RNGTT: variants seen among roughly 807,000 people sequenced by gnomAD.
The protein encoded by RNGTT is mRNA-capping enzyme.
Under a neutral mutation model 79.3 loss-of-function variants are expected in RNGTT, and 33 were observed. The ratio of observed to expected loss-of-function variants is 0.42; its 90% CI spans 0.32 to 0.56. The LOEUF (loss-of-function observed/expected upper bound fraction) is 0.56, where lower values mean the gene tolerates loss of function less well. RNGTT is among the 20% of genes least tolerant of loss of function. The probability of loss-of-function intolerance (pLI) is 0.17; values close to 1 mark genes in which losing one functional copy is unlikely to be tolerated. For synonymous variants in RNGTT, 222 were observed against 235.9 expected (o/e 0.94, Z 0.54); for missense variants, 497 against 739.1 (o/e 0.67, Z 3.80).
chr6:88,842,513 A>G (rs1781328459), intron 11 of RNGTT, among the ~76,000 whole-genome samples: 1 of 152,196 alleles, frequency 6.6e-6, no homozygotes, highest in Non-Finnish European at 1.5e-5. Context: ...AGGCATAAAC[A>G]GAATTAGTAT....
chr6:88,613,588 A>C (rs574762593), intron 15 of RNGTT, among the ~76,000 whole-genome samples: 6 of 152,302 alleles, frequency 3.9e-5, no homozygotes, highest in Non-Finnish European at 5.9e-5. Flanking sequence ...CATCATCATC[A>C]TCCTCCTCAT....
chr6:88,723,135 T>C (rs1002675953), intron 13 of RNGTT, among the ~76,000 whole-genome samples: 2 of 152,228 alleles, frequency 1.3e-5, no homozygotes, highest in South Asian at 2.1e-4. Context: ...GGCATTGTTA[T>C]AGATTTCAGT....
intron 14 of RNGTT, among the ~76,000 whole-genome samples, chr6:88,633,256 G>A (rs1772972573): frequency 6.6e-6 from 1 of 151,842 alleles, no homozygotes; most frequent in Non-Finnish European, 1.5e-5. Context: ...TGCTCAATAA[G>A]TATGTGTAGA....
intron 14 of RNGTT, among the ~76,000 whole-genome samples, chr6:88,616,717 T>C (rs1467723837): frequency 6.6e-6 from 1 of 152,174 alleles, no homozygotes; most frequent in Non-Finnish European, 1.5e-5. Context: ...TACAAGAAAC[T>C]TTGTCAATTT....
rs533453921 is a variant in RNGTT at position 88,644,621 on chromosome 6, G to C, written c.1507-30226C>G. ...ATCCTCAATAAAATACTGGCAAACT[G>C]AATCCAGCAGCACATCAAAAAGCTT... is the stretch of plus-strand genomic sequence containing the variant. On this transcript the variant is annotated intron_variant, in intron 14 of 15. Coordinates refer to ENST00000369485, the MANE Select transcript of RNGTT (RefSeq NM_003800.5). 3.9e-3 allele frequency among the ~76,000 whole-genome samples: 590 copies of C among 152,252 alleles called. 5 individuals are homozygous for C. The highest frequency in any genetic ancestry group is 0.017 in the South Asian group (80 of 4,828).
intron 12 of RNGTT, among the ~76,000 whole-genome samples, chr6:88,783,001 T>TA (rs1779114305): frequency 6.6e-6 from 1 of 152,040 alleles, no homozygotes; most frequent in South Asian, 2.1e-4. Context: ...CTCAAAAAAT[T>TA]AAAGACAGAA....
intron 6 of RNGTT, 59 bp downstream of exon 6, chr6:88,904,656 C>T: frequency 6.7e-7 from 1 of 1,488,524 alleles, no homozygotes; most frequent in Non-Finnish European, 9.0e-7. Context: ...TTTTATAAAT[C>T]TCAATAAGCT....
At chr6:88,645,390 G>C (rs922804023) in intron 14 of RNGTT, among the ~76,000 whole-genome samples, 2 of 152,096 alleles carry the variant, frequency 1.3e-5, no homozygotes, top group African/African-American at 4.8e-5. Flanking sequence ...CATGCTCATG[G>C]GTAGGAAGAA....
At chr6:88,729,596 C>A (rs1031569999) in intron 13 of RNGTT, among the ~76,000 whole-genome samples, 1 of 151,990 alleles carries the variant, frequency 6.6e-6, no homozygotes, top group African/African-American at 2.4e-5. Flanking sequence ...TCTATTATAA[C>A]CAACAGCGAT....
At chr6:88,915,908 T>A (rs189507896) in intron 4 of RNGTT, among the ~76,000 whole-genome samples, 195 of 152,318 alleles carry the variant, frequency 1.3e-3, no homozygotes, top group Admixed American at 2.4e-3. Context: ...AATTTTTTTT[T>A]AAAACTGTTA....
chr6:88,758,201 T>A (rs1778084447), intron 13 of RNGTT, among the ~76,000 whole-genome samples: 1 of 152,198 alleles, frequency 6.6e-6, no homozygotes, highest in East Asian at 1.9e-4. Flanking sequence ...GTGATTAACG[T>A]TTGGCAAAAG....
intron 10 of RNGTT, among the ~76,000 whole-genome samples, chr6:88,846,800 TC>T (rs1408059813): frequency 6.6e-6 from 1 of 151,494 alleles, no homozygotes; most frequent in Non-Finnish European, 1.5e-5. Flanking sequence ...CATCTAATGC[TC>T]CTGACCTCCA....
intron 14 of RNGTT, among the ~76,000 whole-genome samples, chr6:88,659,191 A>C (rs977030649): frequency 6.6e-6 from 1 of 152,214 alleles, no homozygotes; most frequent in African/African-American, 2.4e-5. Context: ...CAGTCTACTC[A>C]AATGAGAAGG....
At chr6:88,885,759 CAG>C (rs1395001002) in intron 8 of RNGTT, among the ~76,000 whole-genome samples, 6 of 152,252 alleles carry the variant, frequency 3.9e-5, no homozygotes, top group African/African-American at 1.4e-4. Context: ...AAATAATAAA[CAG>C]AAATAACTTC....
At chr6:88,613,131 T>C (rs951447085) in intron 15 of RNGTT, among the ~76,000 whole-genome samples, 2 of 152,232 alleles carry the variant, frequency 1.3e-5, no homozygotes, top group African/African-American at 4.8e-5. Flanking sequence ...TAAGCATGTC[T>C]TCCCCACGGT....
intron 11 of RNGTT, among the ~76,000 whole-genome samples, chr6:88,804,037 T>C (rs924055295): frequency 2.0e-5 from 3 of 152,220 alleles, no homozygotes; most frequent in African/African-American, 7.2e-5. Context: ...TCACCTATCA[T>C]GTATCAAAGA....
chr6:88,775,827 G>GA (rs1162257902), intron 12 of RNGTT, among the ~76,000 whole-genome samples: 1 of 152,114 alleles, frequency 6.6e-6, no homozygotes, highest in East Asian at 1.9e-4. Context: ...ATCTTGCTTA[G>GA]TACAATGCCC....
chr6:88,701,819 C>T (rs753324310), intron 13 of RNGTT, among the ~76,000 whole-genome samples: 4 of 145,296 alleles, frequency 2.8e-5, no homozygotes, highest in Non-Finnish European at 4.4e-5. Context: ...TTCTAATTCT[C>T]ATGCTGTAGA....
At chr6:88,946,066 T>C (rs780591570) in intron 1 of RNGTT, among the ~76,000 whole-genome samples, 3 of 152,254 alleles carry the variant, frequency 2.0e-5, no homozygotes, top group Non-Finnish European at 2.9e-5. Flanking sequence ...TTTGCTTTAC[T>C]GTAATTCACA....
Sources: gnomAD v4.1 joint callset for allele counts (sites outside exome capture counted in the v4.1 genomes callset) on GRCh38, gnomAD v4.1.1 for gene constraint, MANE v1.5 for transcripts, NCBI Gene and HGNC (gene_info 2026-07-23, HGNC 2026-07-21) for gene names.